Variants in KIF13A observed in about 807,000 individuals in gnomAD.
KIF13A encodes the protein kinesin-like protein KIF13A.
A neutral mutation model predicts 212.2 loss-of-function variants in KIF13A; 79 were observed. The observed-to-expected ratio is 0.37, with a 90% CI of 0.31 to 0.45. The LOEUF (loss-of-function observed/expected upper bound fraction) is 0.45, where lower values mean the gene tolerates loss of function less well. Among genes scored for constraint, KIF13A ranks in the 20% least tolerant of loss-of-function variants. KIF13A has a pLI of 1.00. For synonymous variants in KIF13A, 789 were observed against 808.6 expected, an observed-to-expected ratio of 0.98 and a Z score of 0.41; for missense variants, 1,901 against 2,209.0, an observed-to-expected ratio of 0.86 and a Z score of 2.79.
intron 2 of KIF13A, among the ~76,000 whole-genome samples, chr6:17,943,460 CTG>C (rs1777121961): frequency 6.7e-6 from 1 of 149,146 alleles, no homozygotes; most frequent in African/African-American, 2.5e-5. Flanking sequence ...GTTGGCCAGC[CTG>C]GTCTCGAACT....
chr6:17,772,456 AAAAAAACCCCC>A lies in KIF13A; in HGVS notation c.4325-408_4325-398del. Among the ~76,000 whole-genome samples, 1 of 152,238 alleles carries A rather than the reference AAAAAAACCCCC, an allele frequency of 6.6e-6. No homozygotes were observed. The highest frequency in any genetic ancestry group is 2.4e-5 in the African/African-American group (1 of 41,528). On this transcript the variant is annotated intron_variant, in intron 36 of 38. Coordinates refer to ENST00000259711, the MANE Select transcript of KIF13A (RefSeq NM_022113.6). The surrounding 1 kb of genome is among the most constrained non-coding windows in gnomAD (Gnocchi z 4.8). ...ACCCCACAAACAACAAACAACAAAC[AAAAAAACCCCC>A]AAAAAACCATGGAACAGATGTAGGC...
intron 2 of KIF13A, among the ~76,000 whole-genome samples, chr6:17,957,733 C>T (rs976257164): frequency 4.7e-4 from 71 of 152,100 alleles, no homozygotes; most frequent in African/African-American, 1.7e-3. Flanking sequence ...GGGGAAAACC[C>T]CAAGACATTT....
intron 2 of KIF13A, among the ~76,000 whole-genome samples, chr6:17,975,596 T>A (rs1037951471): frequency 1.6e-4 from 24 of 152,282 alleles, no homozygotes; most frequent in African/African-American, 5.8e-4. Flanking sequence ...TTACTGCCGC[T>A]AGTTCGGGCA....
chr6:17,847,446 G>A lies in KIF13A; in HGVS notation c.830+1931C>T, dbSNP rs541747099. Among the ~76,000 whole-genome samples the A allele has an allele frequency of 5.3e-5, 8 of 152,264 alleles. No individual in the cohort carries two copies. In the East Asian group the frequency reaches 7.7e-4, roughly 15 times the overall value. ...AGTAGTGGTCTTTCCCTGTGAGTAC[G>A]GCTGTGTCCATCTGATAGAGGGGCC... is the stretch of plus-strand genomic sequence containing the variant. On this transcript the variant is annotated intron_variant, in intron 9 of 38. Coordinates refer to ENST00000259711, the MANE Select transcript of KIF13A (RefSeq NM_022113.6).
intron 2 of KIF13A, among the ~76,000 whole-genome samples, chr6:17,974,893 T>C (rs1780158579): frequency 6.6e-6 from 1 of 152,228 alleles, no homozygotes; most frequent in South Asian, 2.1e-4. Flanking sequence ...AAGTATTCAA[T>C]GATCACATAG....
chr6:17,863,377 T>C (rs1202197528), intron 4 of KIF13A, among the ~76,000 whole-genome samples: 1 of 151,718 alleles, frequency 6.6e-6, no homozygotes, highest in Non-Finnish European at 1.5e-5. Flanking sequence ...ACTTTCTTTT[T>C]TTTTTTTTAA....
intron 2 of KIF13A, among the ~76,000 whole-genome samples, chr6:17,910,733 G>GA (rs1773972817): frequency 2.6e-5 from 4 of 152,128 alleles, no homozygotes; most frequent in African/African-American, 9.7e-5. Flanking sequence ...TCACCACAGG[G>GA]TTTCTAATAA....
chr6:17,913,727 G>C (rs1190716407), intron 2 of KIF13A, among the ~76,000 whole-genome samples: 1 of 152,136 alleles, frequency 6.6e-6, no homozygotes, highest in Non-Finnish European at 1.5e-5. Context: ...TCCACCGAGG[G>C]GGGATTGACT....
downstream of KIF13A, among the ~76,000 whole-genome samples, chr6:17,762,366 C>T (rs1315468697): frequency 1.3e-5 from 2 of 152,098 alleles, no homozygotes; most frequent in Non-Finnish European, 1.5e-5. Context: ...GCATGTGCCA[C>T]CATATCCGGC....
rs62394138 is a variant in KIF13A, at chr6:17,871,167, T to C, written c.220+2210A>G. 9.3e-4 allele frequency among the ~76,000 whole-genome samples: 142 copies of C among 152,298 alleles called. No individual in the cohort carries two copies. The highest frequency in any genetic ancestry group is 1.8e-3 in the Non-Finnish European group (121 of 68,032). On this transcript the variant is annotated intron_variant, in intron 4 of 38. Transcript: ENST00000259711. This position sits in a 1 kb window ranked among gnomAD's most constrained non-coding sequence, Gnocchi z 4.4. The stretch of plus-strand genomic sequence containing the variant: ...TTGACAAGTAATAATCATATATATT[T>C]ATGGTATACAACATGATGTTCTGAT...
chr6:17,761,584 T>C (rs961817597), downstream of KIF13A, among the ~76,000 whole-genome samples: 2 of 152,092 alleles, frequency 1.3e-5, no homozygotes, highest in Non-Finnish European at 2.9e-5. Context: ...GGTTTCTCCA[T>C]GTTGGTCAGG....
At chr6:17,868,687 A>G (rs1769659983) in intron 4 of KIF13A, among the ~76,000 whole-genome samples, 1 of 152,202 alleles carries the variant, frequency 6.6e-6, no homozygotes, top group Middle Eastern at 3.4e-3. Flanking sequence ...AATAGGAGGA[A>G]GAGATAATAT....
chr6:17,810,329 C>G (rs1562002541), intron 17 of KIF13A, among the ~76,000 whole-genome samples: 1 of 152,200 alleles, frequency 6.6e-6, no homozygotes, highest in Non-Finnish European at 1.5e-5. Flanking sequence ...CAGGCCGTTC[C>G]TCGGCTCAAG....
At chr6:17,940,232 ATC>A (rs1487149303) in intron 2 of KIF13A, among the ~76,000 whole-genome samples, 1 of 151,552 alleles carries the variant, frequency 6.6e-6, no homozygotes. Context: ...TTGAAGGTAC[ATC>A]AGCACAATGC....
At position 17,838,902 on chromosome 6, in the gene KIF13A, C is replaced by A. The variant is rs1007113219; in HGVS notation, c.831-1319G>T. On this transcript the variant is annotated intron_variant, in intron 9 of 38. Transcript: ENST00000259711. This position sits in a 1 kb window ranked among gnomAD's most constrained non-coding sequence, Gnocchi z 4.2. ...TGATATGATTTTGGCTCAATGCAACCTCCACCTCCCAGGTTCAAGAGATTC... is the reference window on the plus strand; with the variant it reads ...TGATATGATTTTGGCTCAATGCAACATCCACCTCCCAGGTTCAAGAGATTC... Among the ~76,000 whole-genome samples, 1 of 152,158 alleles carries A rather than the reference C, an allele frequency of 6.6e-6. No homozygotes were observed. Among genetic ancestry groups the A allele is most frequent in the African/African-American group, 2.4e-5 (1 of 41,430 alleles).
chr6:17,923,438 G>A (rs983351563), intron 2 of KIF13A, among the ~76,000 whole-genome samples: 9 of 151,794 alleles, frequency 5.9e-5, no homozygotes, highest in Admixed American at 2.6e-4. Flanking sequence ...GAATGCCCCC[G>A]GAATTCAGTA....
intron 13 of KIF13A, among the ~76,000 whole-genome samples, chr6:17,830,534 T>C (rs956028769): frequency 1.3e-5 from 2 of 152,198 alleles, no homozygotes; most frequent in African/African-American, 4.8e-5. Flanking sequence ...CAACGTGGCA[T>C]GTCCTGCGAC....
chr6:17,763,898 C>A lies in KIF13A; in HGVS notation c.*212G>T. ...CTGAACACTTCATTCAACACCAACC[C>A]ATGTGCCAGGTAAAAAAATCCACTG... On this transcript the variant is annotated 3_prime_UTR_variant, in exon 39 of 39. Coordinates refer to ENST00000259711, the MANE Select transcript of KIF13A (RefSeq NM_022113.6). 7.1e-7 allele frequency: 1 copy of A among 1,416,054 alleles called. No homozygotes were observed. Among genetic ancestry groups the A allele is most frequent in the Non-Finnish European group, 9.2e-7 (1 of 1,089,292 alleles). 87.7% of individuals were successfully genotyped at this position (1,416,054 alleles called of 1,614,324 possible).
chr6:17,818,998 C>CTTT (rs11438528), intron 16 of KIF13A, among the ~76,000 whole-genome samples: 60 of 123,398 alleles, frequency 4.9e-4, no homozygotes, highest in African/African-American at 1.5e-3. Context: ...AAATATATCA[C>CTTT]TTTTTTTTTT....
Sources: allele counts gnomAD v4.1 joint callset (sites outside exome capture counted in the v4.1 genomes callset), GRCh38; gene constraint gnomAD v4.1.1; non-coding constraint Gnocchi (gnomAD v3.1); transcripts MANE v1.5; gene names NCBI Gene and HGNC (gene_info 2026-07-23, HGNC 2026-07-21).